DENND1A: variants seen among roughly 807,000 people sequenced by gnomAD.
DENND1A encodes the protein DENN domain-containing protein 1A.
In DENND1A, 51 loss-of-function variants were observed where a neutral mutation model predicts 113.7. That is an observed-to-expected ratio of 0.45 (90% CI 0.36 to 0.57). The LOEUF is 0.57. DENND1A is among the 20% of genes least tolerant of loss of function. The pLI, the probability that DENND1A is intolerant of heterozygous loss-of-function variation, is 0.00. For missense variants in DENND1A, 1,258 were observed against 1,395.9 expected (o/e 0.90, Z 1.57); for synonymous variants, 565 against 570.8 (o/e 0.99, Z 0.14).
intron 12 of DENND1A, 64 bp from the exon 13 acceptor site, chr9:123,557,759 C>T (rs1421917201): frequency 7.0e-6 from 11 of 1,578,958 alleles, no homozygotes; most frequent in Non-Finnish European, 8.7e-6. Flanking sequence ...GCTGACTAAG[C>T]CCACTACATA....
At chr9:123,525,602 C>A (rs914100435) in intron 13 of DENND1A, among the ~76,000 whole-genome samples, 4 of 152,088 alleles carry the variant, frequency 2.6e-5, no homozygotes, top group African/African-American at 9.7e-5. Flanking sequence ...CCCTGCTCTA[C>A]AGGAGCTAAA....
At chr9:123,721,939 A>G (rs2067371803) in intron 5 of DENND1A, among the ~76,000 whole-genome samples, 1 of 152,196 alleles carries the variant, frequency 6.6e-6, no homozygotes, top group Non-Finnish European at 1.5e-5. Context: ...TGTGGAAGTG[A>G]CTTTGGAACT....
At chr9:123,695,317 G>A (rs1011706679) in intron 5 of DENND1A, among the ~76,000 whole-genome samples, 1 of 151,962 alleles carries the variant, frequency 6.6e-6, no homozygotes, top group Non-Finnish European at 1.5e-5. Context: ...AAGTCCATAC[G>A]CTAAATATTA....
intron 5 of DENND1A, among the ~76,000 whole-genome samples, chr9:123,712,630 T>C (rs2066706620): frequency 6.6e-6 from 1 of 152,182 alleles, no homozygotes; most frequent in Non-Finnish European, 1.5e-5. Context: ...CAGATGTACA[T>C]ATGGAAATCT....
rs764196990 is a variant in DENND1A at position 123,769,582 on chromosome 9, A to G, written c.133-19T>C. ...GAACTTCCTGTGGAGAGAAAGAGAG[A>G]TAATTTATACATCTAATGGGACCAG... On this transcript the variant is annotated intron_variant, in intron 3 of 23. Coordinates refer to ENST00000394215, the MANE Select transcript of DENND1A (RefSeq NM_001352964.2). The G allele has an allele frequency of 6.2e-7, 1 of 1,603,216 alleles. No homozygotes were observed. The highest frequency in any genetic ancestry group is 8.5e-7 in the Non-Finnish European group (1 of 1,175,284).
chr9:123,438,252 G>A (rs532399041), intron 19 of DENND1A, among the ~76,000 whole-genome samples: 64 of 152,260 alleles, frequency 4.2e-4, no homozygotes, highest in African/African-American at 1.4e-3. Flanking sequence ...GGGCAAAGCT[G>A]GAAAGAGTTA....
At chr9:123,604,431 T>C (rs2060060886) in intron 11 of DENND1A, among the ~76,000 whole-genome samples, 1 of 152,244 alleles carries the variant, frequency 6.6e-6, no homozygotes, top group African/African-American at 2.4e-5. Flanking sequence ...GTGGATATTA[T>C]ATCACATTTG....
intron 10 of DENND1A, among the ~76,000 whole-genome samples, chr9:123,617,949 C>T (rs1211630315): frequency 6.6e-6 from 1 of 152,082 alleles, no homozygotes; most frequent in Non-Finnish European, 1.5e-5. Flanking sequence ...AAAAAAATAG[C>T]GCAACTGATA....
At chr9:123,697,234 A>G (rs2065577403) in intron 5 of DENND1A, among the ~76,000 whole-genome samples, 1 of 152,210 alleles carries the variant, frequency 6.6e-6, no homozygotes, top group South Asian at 2.1e-4. Flanking sequence ...TCTTGGATTA[A>G]AAAACAACCA....
At chr9:123,498,409 G>C (rs1435502227) in intron 13 of DENND1A, among the ~76,000 whole-genome samples, 1 of 152,238 alleles carries the variant, frequency 6.6e-6, no homozygotes, top group Admixed American at 6.5e-5. Context: ...AAGATCACCA[G>C]CGTGCTGGTC....
intron 12 of DENND1A, among the ~76,000 whole-genome samples, chr9:123,577,979 C>T (rs1385492815): frequency 1.3e-5 from 2 of 152,198 alleles, no homozygotes; most frequent in Non-Finnish European, 2.9e-5. Context: ...TTGGTCAGAA[C>T]CTGCAGGATT....
intron 19 of DENND1A, chr9:123,440,066 G>C (rs2046812617): frequency 4.3e-6 from 1 of 234,766 alleles, no homozygotes. Context: ...TTAGCTAACA[G>C]AGGCACCTTA....
At chr9:123,646,537 T>C (rs182417117) in intron 9 of DENND1A, among the ~76,000 whole-genome samples, 39 of 152,192 alleles carry the variant, frequency 2.6e-4, no homozygotes, top group Non-Finnish European at 5.6e-4. Flanking sequence ...GTAATTTCCT[T>C]GAAGGAAACC....
chr9:123,396,267 A>C (rs928832292), intron 21 of DENND1A, among the ~76,000 whole-genome samples: 2 of 152,224 alleles, frequency 1.3e-5, no homozygotes, highest in Non-Finnish European at 2.9e-5. Context: ...AGACATGCCC[A>C]TAGCCTCCAG....
At position 123,764,624 on chromosome 9, in the gene DENND1A, C is replaced by A. The variant is rs530662719; in HGVS notation, c.182+4890G>T. On this transcript the variant is annotated intron_variant, in intron 4 of 23. Transcript: ENST00000394215. The surrounding 1 kb of genome is among the most constrained non-coding windows in gnomAD (Gnocchi z 4.1). ...ACGCAATGCCTACCTGCTGGAGAAA[C>A]TCACCAGACAATTCTAAGAGCAGAG... Among the ~76,000 whole-genome samples, 1 of 152,206 alleles carries A rather than the reference C, an allele frequency of 6.6e-6. No homozygotes were observed. The highest frequency in any genetic ancestry group is 1.5e-5 in the Non-Finnish European group (1 of 68,026).
intron 8 of DENND1A, among the ~76,000 whole-genome samples, chr9:123,655,033 A>G (rs2062859893): frequency 6.6e-6 from 1 of 152,190 alleles, no homozygotes; most frequent in Non-Finnish European, 1.5e-5. Flanking sequence ...GAGACAATTG[A>G]GTGAAATACC....
At chr9:123,832,282 A>G (rs1840345224) in intron 2 of DENND1A, among the ~76,000 whole-genome samples, 4 of 152,218 alleles carry the variant, frequency 2.6e-5, no homozygotes, top group Admixed American at 2.6e-4. Flanking sequence ...AAGATGTTCA[A>G]CTTCATGGGT....
chr9:123,851,453 C>T (rs927272657), intron 2 of DENND1A, among the ~76,000 whole-genome samples: 6 of 152,072 alleles, frequency 3.9e-5, no homozygotes, highest in East Asian at 1.9e-4. Context: ...GTTAAAATTA[C>T]GAAATGGCCT....
Position 123,426,281 on chromosome 9 carries a change from A to G in DENND1A, c.1488+14079T>C, listed in dbSNP as rs1296066370. 2.0e-5 allele frequency among the ~76,000 whole-genome samples: 3 copies of G among 152,236 alleles called. No homozygotes were observed. The Middle Eastern group carries it at 0.01, about 518-fold the overall frequency. Reference sequence around the variant, plus strand: ...TCTCAACGTGTGCTGATGCTTTCTGATACCCATTGTGCCTCACAGACCAGT... The same window carrying G: ...TCTCAACGTGTGCTGATGCTTTCTGGTACCCATTGTGCCTCACAGACCAGT... On this transcript the variant is annotated intron_variant, in intron 19 of 23. Transcript: ENST00000394215.
Sources: gnomAD v4.1 joint callset for allele counts (sites outside exome capture counted in the v4.1 genomes callset) on GRCh38, gnomAD v4.1.1 for gene constraint, Gnocchi (gnomAD v3.1) non-coding constraint, MANE v1.5 for transcripts, NCBI Gene and HGNC (gene_info 2026-07-23, HGNC 2026-07-21) for gene names.